Variants in SLC25A21 observed in about 807,000 individuals in gnomAD.
The protein encoded by SLC25A21 is mitochondrial 2-oxodicarboxylate carrier.
Under a neutral mutation model 43.8 loss-of-function variants are expected in SLC25A21, and 47 were observed. That is an observed-to-expected ratio of 1.07 (90% CI 0.85 to 1.37). The LOEUF (loss-of-function observed/expected upper bound fraction) is 1.37. SLC25A21 is among the 40% of genes most tolerant of loss of function. The pLI, the probability that SLC25A21 is intolerant of heterozygous loss-of-function variation, is 0.00. For missense variants in SLC25A21, 352 were observed against 350.2 expected, an observed-to-expected ratio of 1.00 and a Z score of -0.04; for synonymous variants, 131 against 121.3, an observed-to-expected ratio of 1.08 and a Z score of -0.52.
At chr14:36,891,285 T>C (rs1373975706) in intron 1 of SLC25A21, among the ~76,000 whole-genome samples, 3 of 152,198 alleles carry the variant, frequency 2.0e-5, no homozygotes, top group African/African-American at 4.8e-5. Context: ...ATAAACATAA[T>C]GTCACCAAGG....
chr14:37,005,172 A>G (rs1055784738), intron 1 of SLC25A21, among the ~76,000 whole-genome samples: 3 of 152,044 alleles, frequency 2.0e-5, no homozygotes, highest in Non-Finnish European at 4.4e-5. Flanking sequence ...CATCTGTACC[A>G]CAAGTGCACA....
intron 1 of SLC25A21, among the ~76,000 whole-genome samples, chr14:37,043,321 A>G (rs1214136886): frequency 1.3e-5 from 2 of 152,172 alleles, no homozygotes; most frequent in East Asian, 3.9e-4. Context: ...TCCTGCTTCA[A>G]TTCTTGAAGA....
chr14:36,919,274 T>C (rs1355237164), intron 1 of SLC25A21, among the ~76,000 whole-genome samples: 1 of 152,082 alleles, frequency 6.6e-6, no homozygotes, highest in South Asian at 2.1e-4. Flanking sequence ...AAATCGTATA[T>C]TAGGTTATGT....
chr14:36,715,400 C>A (rs1884082170), intron 6 of SLC25A21, among the ~76,000 whole-genome samples: 1 of 152,144 alleles, frequency 6.6e-6, no homozygotes, highest in Non-Finnish European at 1.5e-5. Context: ...TGGAATTTTA[C>A]TAAACTTATT....
intron 2 of SLC25A21, among the ~76,000 whole-genome samples, chr14:36,851,803 C>G (rs927477922): frequency 1.3e-5 from 2 of 152,108 alleles, no homozygotes; most frequent in African/African-American, 4.8e-5. Flanking sequence ...TTGCTAATCC[C>G]CAGAACCCTA....
chr14:36,993,391 G>C (rs1960305093), intron 1 of SLC25A21, among the ~76,000 whole-genome samples: 1 of 151,994 alleles, frequency 6.6e-6, no homozygotes, highest in South Asian at 2.1e-4. Flanking sequence ...ATTTAATTGA[G>C]AAAATAATTT....
At chr14:37,051,827 T>C (rs913985701) in intron 1 of SLC25A21, among the ~76,000 whole-genome samples, 5 of 152,160 alleles carry the variant, frequency 3.3e-5, no homozygotes, top group Non-Finnish European at 5.9e-5. Flanking sequence ...TCTGACCTCA[T>C]TGTCCTTCCA....
Position 36,729,554 on chromosome 14 carries a change from C to G in SLC25A21, c.283G>C (p.Glu95Gln). Reference protein sequence around the residue: ...PKRAVKFFTFEQYKKLLGYVS... With the variant: ...PKRAVKFFTFQQYKKLLGYVS... ...TATCCCAGCAATTTCTTGTACTGCT[C>G]AAAGGTGAAAAACTGTGAAACAAAA... is the stretch of plus-strand genomic sequence containing the variant. Residue 95 changes from glutamate to glutamine, a missense_variant, in exon 5 of 10, where the codon GAG (glutamate) becomes CAG (glutamine). Coordinates refer to ENST00000331299, the MANE Select transcript of SLC25A21 (RefSeq NM_030631.4). 1 of 1,608,686 alleles carries G rather than the reference C, an allele frequency of 6.2e-7. No individual in the cohort carries two copies. The highest frequency in any genetic ancestry group is 2.2e-5 in the East Asian group (1 of 44,650).
chr14:37,163,900 G>T (rs1963990139), intron 1 of SLC25A21, among the ~76,000 whole-genome samples: 1 of 151,978 alleles, frequency 6.6e-6, no homozygotes, highest in Non-Finnish European at 1.5e-5. Context: ...ATATTCTATG[G>T]CTTAGACTTT....
intron 1 of SLC25A21, among the ~76,000 whole-genome samples, chr14:37,133,169 AC>A (rs1963420074): frequency 6.6e-6 from 1 of 151,664 alleles, no homozygotes; most frequent in African/African-American, 2.4e-5. Context: ...ACACACACAC[AC>A]ACTCATGCAA....
chr14:36,946,461 T>C (rs1206456984), intron 1 of SLC25A21, among the ~76,000 whole-genome samples: 1 of 152,112 alleles, frequency 6.6e-6, no homozygotes, highest in Non-Finnish European at 1.5e-5. Flanking sequence ...AATAAATGAT[T>C]CCATACGTAA....
At chr14:36,762,076 C>T (rs115266565) in intron 3 of SLC25A21, among the ~76,000 whole-genome samples, 331 of 152,232 alleles carry the variant, frequency 2.2e-3, no homozygotes, top group African/African-American at 4.5e-3. Context: ...TGAGCAGGTA[C>T]CATGCAGGGA....
At chr14:37,076,953 T>A (rs1470656672) in intron 1 of SLC25A21, among the ~76,000 whole-genome samples, 1 of 152,198 alleles carries the variant, frequency 6.6e-6, no homozygotes, top group East Asian at 1.9e-4. Context: ...AAAGTCTCCA[T>A]AAAATATAAA....
intron 6 of SLC25A21, among the ~76,000 whole-genome samples, chr14:36,723,681 T>C (rs542402903): frequency 6.6e-6 from 1 of 152,336 alleles, no homozygotes; most frequent in South Asian, 2.1e-4. Flanking sequence ...CATTAGCACA[T>C]ACAAAACATT....
At chr14:36,952,961 A>C (rs1892850457) in intron 1 of SLC25A21, among the ~76,000 whole-genome samples, 1 of 152,214 alleles carries the variant, frequency 6.6e-6, no homozygotes, top group African/African-American at 2.4e-5. Context: ...AGCTGTGGCT[A>C]TCCAGTGTTC....
intron 1 of SLC25A21, among the ~76,000 whole-genome samples, chr14:37,109,782 CT>C (rs1470673663): frequency 6.6e-6 from 1 of 151,272 alleles, no homozygotes; most frequent in African/African-American, 2.4e-5. Context: ...TCCTTTAAAA[CT>C]TTTTTTTTAC....
intron 1 of SLC25A21, among the ~76,000 whole-genome samples, chr14:37,121,796 AC>A (rs1263517333): frequency 1.1e-4 from 2 of 18,030 alleles, no homozygotes; most frequent in Non-Finnish European, 1.8e-4. Context: ...CTCAAAAAGA[AC>A]CAAAAAAAAA....
At chr14:36,998,438 T>C (rs982742674) in intron 1 of SLC25A21, among the ~76,000 whole-genome samples, 1 of 152,166 alleles carries the variant, frequency 6.6e-6, no homozygotes, top group Non-Finnish European at 1.5e-5. Flanking sequence ...TGAGGAATCA[T>C]GACAAGATGA....
At chr14:36,898,864 T>G (rs1338394515) in intron 1 of SLC25A21, among the ~76,000 whole-genome samples, 1 of 152,194 alleles carries the variant, frequency 6.6e-6, no homozygotes, top group Non-Finnish European at 1.5e-5. Flanking sequence ...AAAGGCCTGT[T>G]GTACAACATG....
Sources: gnomAD v4.1 joint callset for allele counts (sites outside exome capture counted in the v4.1 genomes callset) on GRCh38, gnomAD v4.1.1 for gene constraint, MANE v1.5 for transcripts, NCBI Gene and HGNC (gene_info 2026-07-23, HGNC 2026-07-21) for gene names.